Variants in MED12L observed in about 807,000 individuals in gnomAD.
MED12L encodes mediator complex subunit 12L, also known as mediator of RNA polymerase II transcription subunit 12-like protein.
A neutral mutation model predicts 281.3 loss-of-function variants in MED12L; 60 were observed. That is an observed-to-expected ratio of 0.21 (90% CI 0.17 to 0.26). The LOEUF is 0.26. Among genes scored for constraint, MED12L ranks in the 10% least tolerant of loss-of-function variants. MED12L has a pLI of 1.00. For synonymous variants in MED12L, 974 were observed against 987.2 expected, an observed-to-expected ratio of 0.99 and a Z score of 0.25; for missense variants, 2,146 against 2,680.9, an observed-to-expected ratio of 0.80 and a Z score of 4.41.
chr3:151,347,248 A>G (rs908216067), intron 16 of MED12L, among the ~76,000 whole-genome samples: 3 of 152,140 alleles, frequency 2.0e-5, no homozygotes. Flanking sequence ...TTTTCTCCTT[A>G]TCTTCACCTC....
rs1479895086 is a variant in MED12L, at chr3:151,093,879, G to A, written c.99+6854G>A. Among the ~76,000 whole-genome samples, 4 of 152,202 alleles carry A rather than the reference G, an allele frequency of 2.6e-5. No individual in the cohort carries two copies. In the East Asian group the frequency reaches 7.7e-4, roughly 29 times the overall value. Reference sequence around the variant, plus strand: ...GACCCCGTAAGGCTGTCAGTTAGGGGTACAACCACTGTCCTTTAGCCTGTC... The same window carrying A: ...GACCCCGTAAGGCTGTCAGTTAGGGATACAACCACTGTCCTTTAGCCTGTC... On this transcript the variant is annotated intron_variant, in intron 2 of 44. Transcript: ENST00000687756.
At chr3:151,404,542 TG>T (rs1425968677) in intron 39 of MED12L, among the ~76,000 whole-genome samples, 3 of 152,254 alleles carry the variant, frequency 2.0e-5, no homozygotes, top group Non-Finnish European at 4.4e-5. Flanking sequence ...TACCATGTGG[TG>T]TTTTAGCCTA....
chr3:151,295,290 A>C (rs760623059), intron 16 of MED12L: 85 of 834,000 alleles, frequency 1.0e-4, no homozygotes, highest in Non-Finnish European at 1.5e-4. Context: ...TACAGACCCA[A>C]CTTTTTGTTA....
chr3:151,330,244 ACTTTTAGTGG>A (rs1191846733), intron 16 of MED12L, among the ~76,000 whole-genome samples: 1 of 152,176 alleles, frequency 6.6e-6, no homozygotes, highest in Non-Finnish European at 1.5e-5. Flanking sequence ...AATGTTAGCC[ACTTTTAGTGG>A]CTTTTAGTCC....
intron 9 of MED12L, 55 bp downstream of exon 9, chr3:151,164,097 G>T: frequency 6.3e-7 from 1 of 1,577,182 alleles, no homozygotes; most frequent in Non-Finnish European, 8.7e-7. Context: ...ACAGGCATCA[G>T]GGCACAGTGG....
At chr3:151,242,275 G>A (rs1201390054) in intron 16 of MED12L, among the ~76,000 whole-genome samples, 3 of 152,250 alleles carry the variant, frequency 2.0e-5, no homozygotes, top group Admixed American at 1.3e-4. Context: ...GCCCACCACA[G>A]CTCAAGGAGG....
intron 2 of MED12L, among the ~76,000 whole-genome samples, chr3:151,106,693 T>C (rs953138253): frequency 2.6e-5 from 4 of 152,198 alleles, no homozygotes; most frequent in Admixed American, 2.6e-4. Flanking sequence ...TGTCTTTTCT[T>C]TTGTTAGGCA....
Position 151,147,211 on chromosome 3 carries a change from C to T in MED12L, c.557-8950C>T, listed in dbSNP as rs539554719. 7.2e-5 allele frequency among the ~76,000 whole-genome samples: 11 copies of T among 152,278 alleles called. No individual in the cohort carries two copies. The East Asian group carries it at 1.7e-3, about 24-fold the overall frequency. On this transcript the variant is annotated intron_variant, in intron 5 of 44. Transcript: ENST00000687756. ...CCCTTATCCTCTCTGTCTCCCCCCA[C>T]CTGTGAAATTATATCATTTCCTAGT...
intron 39 of MED12L, among the ~76,000 whole-genome samples, chr3:151,397,814 A>G (rs1715177878): frequency 1.3e-5 from 2 of 152,202 alleles, no homozygotes; most frequent in Admixed American, 6.5e-5. Context: ...AAGTAAGTAG[A>G]TATGTTTTTA....
chr3:151,122,202 A>G (rs1287455837), intron 3 of MED12L, among the ~76,000 whole-genome samples: 4 of 152,192 alleles, frequency 2.6e-5, no homozygotes, highest in African/African-American at 9.7e-5. Flanking sequence ...GAAACATTGT[A>G]GTTTTGAAAT....
At chr3:151,345,646 T>G (rs942514267) in intron 16 of MED12L, among the ~76,000 whole-genome samples, 1 of 151,262 alleles carries the variant, frequency 6.6e-6, no homozygotes, top group African/African-American at 2.4e-5. Context: ...GCCTCCCGAG[T>G]AGCTGAAATT....
chr3:151,307,726 AC>A (rs994226071), intron 16 of MED12L, among the ~76,000 whole-genome samples: 11 of 152,132 alleles, frequency 7.2e-5, no homozygotes, highest in African/African-American at 2.7e-4. Context: ...GGATTCAACA[AC>A]CTGCCCAATA....
At chr3:151,331,049 G>T (rs565850447) in intron 16 of MED12L, among the ~76,000 whole-genome samples, 12 of 152,272 alleles carry the variant, frequency 7.9e-5, no homozygotes, top group Admixed American at 7.8e-4. Context: ...CTGAAAACTG[G>T]AAATCACTTC....
chr3:151,158,961 A>G (rs1339619195), intron 7 of MED12L, among the ~76,000 whole-genome samples, 162 bp downstream of exon 7: 1 of 152,226 alleles, frequency 6.6e-6, no homozygotes, highest in Non-Finnish European at 1.5e-5. Flanking sequence ...AAGGCTTCTA[A>G]TAAGTTTTAG....
In MED12L at chr3:151,387,824, T is replaced by C. The variant is rs1022724459; in HGVS notation, c.5103T>C (p.Ser1701=). The change falls in exon 37 of 45, where the codon TCT becomes TCC. Residue 1701 remains serine, a synonymous_variant. Transcript: ENST00000687756. ...SIDKKQGLQV[S]TKQKVSPWDL... is the part of the protein sequence containing the mutation. ...TTTTCCCACAGGGTCTCCAGGTCTC[T>C]ACGAAGCAGAAGGTGTCCCCGTGGG... 3.2e-5 allele frequency: 51 copies of C among 1,612,974 alleles called. No homozygotes were observed. The highest frequency in any genetic ancestry group is 4.2e-5 in the Non-Finnish European group (50 of 1,179,394).
intron 16 of MED12L, among the ~76,000 whole-genome samples, chr3:151,330,292 C>G (rs1274221667): frequency 6.6e-6 from 1 of 152,128 alleles, no homozygotes; most frequent in Non-Finnish European, 1.5e-5. Context: ...ATTGCAAATC[C>G]AGATAGAGAT....
At chr3:151,165,090 C>A (rs566402728) in intron 9 of MED12L, among the ~76,000 whole-genome samples, 1 of 151,552 alleles carries the variant, frequency 6.6e-6, no homozygotes, top group South Asian at 2.1e-4. Context: ...TAGAACGTTG[C>A]AAATTGCTTT....
At chr3:151,361,266 G>A (rs1029026114) in intron 21 of MED12L, among the ~76,000 whole-genome samples, 3 of 151,986 alleles carry the variant, frequency 2.0e-5, no homozygotes, top group African/African-American at 7.3e-5. Flanking sequence ...TTGCTGTTTA[G>A]CAGGTAACTT....
intron 16 of MED12L, among the ~76,000 whole-genome samples, chr3:151,261,228 G>A (rs562116650): frequency 5.3e-5 from 8 of 152,102 alleles, no homozygotes; most frequent in African/African-American, 1.9e-4. Flanking sequence ...TTGCATGAAC[G>A]AATGATGGAG....
Sources: allele counts gnomAD v4.1 joint callset (sites outside exome capture counted in the v4.1 genomes callset), GRCh38; gene constraint gnomAD v4.1.1; transcripts MANE v1.5; gene names NCBI Gene and HGNC (gene_info 2026-07-23, HGNC 2026-07-21).